Variants in DAB2IP observed in about 807,000 individuals in gnomAD.
The protein encoded by DAB2IP is disabled homolog 2-interacting protein.
Under a neutral mutation model 107.2 loss-of-function variants are expected in DAB2IP, and 28 were observed. The observed-to-expected ratio is 0.26, with a 90% CI of 0.19 to 0.36. DAB2IP has a LOEUF of 0.36. Ranked by LOEUF, DAB2IP falls within the 10% of genes least tolerant of loss-of-function variation. The pLI is 1.00. For missense variants in DAB2IP, 1,400 were observed against 1,644.7 expected (o/e 0.85, Z 2.57); for synonymous variants, 755 against 706.4 (o/e 1.07, Z -1.09).
chr9:121,742,713 C>A, intron 3 of DAB2IP: 1 of 985,548 alleles, frequency 1.0e-6, no homozygotes. Flanking sequence ...GCCTTGGTTC[C>A]CTGCACCTGC....
intron 2 of DAB2IP, among the ~76,000 whole-genome samples, chr9:121,682,276 G>A (rs921688575): frequency 1.3e-5 from 2 of 152,240 alleles, no homozygotes; most frequent in African/African-American, 4.8e-5. Flanking sequence ...GCCTCGGGGA[G>A]GCAGGGGAGA....
At position 121,582,589 on chromosome 9, in the gene DAB2IP, C is replaced by T. The variant is rs561011261; in HGVS notation, c.40+15361C>T. Among the ~76,000 whole-genome samples, 12 of 152,150 alleles carry T rather than the reference C, an allele frequency of 7.9e-5. No homozygotes were observed. The South Asian group carries it at 1.9e-3, about 24-fold the overall frequency. Reference sequence around the variant, plus strand: ...GTTCCCAGCTCTGGAACAGGCTCTCCGGACCCCTGGCCACTGGCACCCTGG... The same window carrying T: ...GTTCCCAGCTCTGGAACAGGCTCTCTGGACCCCTGGCCACTGGCACCCTGG... On this transcript the variant is annotated intron_variant, in intron 1 of 16. Coordinates refer to the DAB2IP transcript ENST00000259371.
In DAB2IP at chr9:121,699,386, A is replaced by G; in HGVS notation, c.290A>G (p.Asp97Gly). Residue 97 changes from aspartate to glycine, a missense_variant, in exon 3 of 16, where the codon GAC becomes GGC. Asp to Gly is a moderately conservative substitution (Grantham distance 94). Around this residue, in one of 3 missense-constraint regions of DAB2IP, gnomAD observed 283 missense variants for 237.0 expected, o/e 1.19. Transcript: ENST00000408936. This position sits in a 1 kb window ranked among gnomAD's most constrained non-coding sequence, Gnocchi z 6.2. ...CGCACCAAGAGCCAGCCCAAGCTGG[A>G]CCGCAACCACAGCTTCCGCCACATC... 6.8e-7 allele frequency: 1 copy of G among 1,469,868 alleles called. No homozygotes were observed. Among genetic ancestry groups the G allele is most frequent in the Non-Finnish European group, 9.1e-7 (1 of 1,100,340 alleles). 91.1% of individuals were successfully genotyped at this position (1,469,868 alleles called of 1,614,324 possible).
chr9:121,627,599 G>A (rs1199798046), intron 1 of DAB2IP, among the ~76,000 whole-genome samples: 1 of 152,166 alleles, frequency 6.6e-6, no homozygotes, highest in Non-Finnish European at 1.5e-5. Flanking sequence ...GGATGTGAGA[G>A]TCGGTGGGTC....
chr9:121,753,979 C>G (rs111498315), intron 3 of DAB2IP, among the ~76,000 whole-genome samples: 1 of 152,188 alleles, frequency 6.6e-6, no homozygotes, highest in Non-Finnish European at 1.5e-5. Context: ...ACAATGCCAG[C>G]ATGGGATGAA....
At chr9:121,655,270 GGT>G (rs766796786) in intron 1 of DAB2IP, among the ~76,000 whole-genome samples, 10 of 152,132 alleles carry the variant, frequency 6.6e-5, no homozygotes, top group Non-Finnish European at 1.0e-4. Flanking sequence ...TCCCCAGAAG[GGT>G]ATCATCAGCA....
intron 1 of DAB2IP, among the ~76,000 whole-genome samples, chr9:121,669,455 T>A (rs947559786): frequency 5.3e-5 from 8 of 152,060 alleles, no homozygotes; most frequent in Non-Finnish European, 1.2e-4. Flanking sequence ...GCACGCACCA[T>A]GGGGCATCTC....
chr9:121,716,437 G>A (rs1452968998), intron 3 of DAB2IP, among the ~76,000 whole-genome samples: 3 of 152,228 alleles, frequency 2.0e-5, no homozygotes, highest in East Asian at 1.9e-4. Flanking sequence ...TGTCCCTTGC[G>A]AAATATAAAC....
intron 3 of DAB2IP, among the ~76,000 whole-genome samples, chr9:121,705,600 C>G (rs779878222): frequency 6.6e-6 from 1 of 152,230 alleles, no homozygotes; most frequent in African/African-American, 2.4e-5. Context: ...TGAGCACTCA[C>G]GTGCATACTT....
rs375033145 is a variant in DAB2IP at position 121,782,726 on chromosome 9, A to C, written c.*228A>C. On this transcript the variant is annotated 3_prime_UTR_variant, in exon 16 of 16. Coordinates refer to ENST00000408936, the Ensembl canonical transcript of DAB2IP. The surrounding 1 kb of genome is among the most constrained non-coding windows in gnomAD (Gnocchi z 6.1). ...GCTCCCTGTGGGGTGCGGGCAGAAG[A>C]GACTGCACGCTGGGGAGTGGGGACA... The C allele has an allele frequency of 4.6e-5, 64 of 1,393,148 alleles. No individual in the cohort carries two copies. The African/African-American group carries it at 7.1e-4, about 15-fold the overall frequency. 86.3% of individuals were successfully genotyped at this position (1,393,148 alleles called of 1,614,324 possible).
At chr9:121,620,156 C>T (rs889901341) in intron 1 of DAB2IP, among the ~76,000 whole-genome samples, 7 of 152,184 alleles carry the variant, frequency 4.6e-5, no homozygotes, top group African/African-American at 1.2e-4. Flanking sequence ...TGCAGCCTTC[C>T]GGATCCAGCC....
intron 3 of DAB2IP, among the ~76,000 whole-genome samples, chr9:121,703,503 T>C (rs143051324): frequency 0.013 from 1,999 of 152,286 alleles, 137 homozygotes; most frequent in Admixed American, 0.11. Flanking sequence ...AAGCCAAGCA[T>C]TCCTGGGGCA....
In DAB2IP at chr9:121,596,821, C is replaced by G. The variant is rs538652699; in HGVS notation, c.40+29593C>G. ...TTTCTAGATGCTGCCAAATTGTTTC[C>G]CAGAGTGGCTCTACCCATTTCCACT... On this transcript the variant is annotated intron_variant, in intron 1 of 16. Coordinates refer to the DAB2IP transcript ENST00000259371. 3.3e-5 allele frequency among the ~76,000 whole-genome samples: 5 copies of G among 152,272 alleles called. No individual in the cohort carries two copies. In the East Asian group the frequency reaches 7.7e-4, roughly 24 times the overall value.
intron 1 of DAB2IP, among the ~76,000 whole-genome samples, chr9:121,627,141 TCACACA>T (rs374127830): frequency 1.3e-3 from 161 of 126,828 alleles, no homozygotes; most frequent in African/African-American, 1.3e-3. Flanking sequence ...ACACACACAC[TCACACA>T]CACACACACA....
intron 1 of DAB2IP, among the ~76,000 whole-genome samples, chr9:121,657,174 G>A (rs1205856776): frequency 2.0e-5 from 3 of 150,666 alleles, no homozygotes; most frequent in South Asian, 2.1e-4. Flanking sequence ...CAGGGCATGC[G>A]ACAGGTCTCA....
At chr9:121,747,362 C>CTTT (rs1564196322) in intron 3 of DAB2IP, among the ~76,000 whole-genome samples, 34 of 130,274 alleles carry the variant, frequency 2.6e-4, no homozygotes, top group African/African-American at 8.5e-4. Flanking sequence ...TTTTTTTTTC[C>CTTT]CCTGAGACAG....
intron 1 of DAB2IP, among the ~76,000 whole-genome samples, chr9:121,652,990 T>C (rs1832814319): frequency 6.6e-6 from 1 of 152,110 alleles, no homozygotes; most frequent in South Asian, 2.1e-4. Flanking sequence ...GAGTTCCCTG[T>C]GCACAGAAGG....
chr9:121,735,991 C>T (rs1426106805), intron 3 of DAB2IP, among the ~76,000 whole-genome samples: 2 of 152,238 alleles, frequency 1.3e-5, no homozygotes, highest in Non-Finnish European at 1.5e-5. Flanking sequence ...CGACCTTTCC[C>T]TTCTGTCCTG....
intron 3 of DAB2IP, among the ~76,000 whole-genome samples, chr9:121,756,615 C>T (rs943262104): frequency 6.6e-6 from 1 of 152,182 alleles, no homozygotes; most frequent in African/African-American, 2.4e-5. Flanking sequence ...GGACAAGGAC[C>T]AGTGCAAAAG....
Sources: gnomAD v4.1 joint callset for allele counts (sites outside exome capture counted in the v4.1 genomes callset) on GRCh38, gnomAD v4.1.1 for gene constraint, gnomAD v4.1.1 regional missense constraint, Gnocchi (gnomAD v3.1) non-coding constraint, MANE v1.5 for transcripts, NCBI Gene and HGNC (gene_info 2026-07-23, HGNC 2026-07-21) for gene names.